The following RIPK1 variants were observed in gnomAD, a reference collection of about 807,000 sequenced individuals.
RIPK1 encodes receptor interacting serine/threonine kinase 1, also known as receptor-interacting serine/threonine-protein kinase 1.
In RIPK1, 27 loss-of-function variants were observed where a neutral mutation model predicts 62.4. The ratio of observed to expected loss-of-function variants is 0.43; its 90% CI spans 0.32 to 0.60. RIPK1 has a LOEUF of 0.60. Among genes scored for constraint, RIPK1 ranks in the 20% least tolerant of loss-of-function variants. The pLI is 0.07. For missense variants in RIPK1, 735 were observed against 831.0 expected (o/e 0.88, Z 1.42); for synonymous variants, 287 against 303.2 (o/e 0.95, Z 0.55).
chr6:3,113,000 G>C, intron 10 of RIPK1, 53 bp from the exon 11 acceptor site: 1 of 1,443,098 alleles, frequency 6.9e-7, no homozygotes, highest in Non-Finnish European at 9.3e-7. Flanking sequence ...CAGGAAGCTG[G>C]AATGTTTGAA....
chr6:3,087,183 G>A (rs551133941), intron 6 of RIPK1, among the ~76,000 whole-genome samples: 1 of 152,114 alleles, frequency 6.6e-6, no homozygotes, highest in South Asian at 2.1e-4. Context: ...AGATTTAGTT[G>A]TTATTTATCT....
intron 7 of RIPK1, among the ~76,000 whole-genome samples, chr6:3,096,128 G>A (rs963813684): frequency 3.3e-5 from 5 of 152,148 alleles, no homozygotes; most frequent in African/African-American, 4.8e-5. Flanking sequence ...ATGAGCCACT[G>A]TGTCCAGCCC....
rs1758770954 is a variant in RIPK1 at position 3,072,406 on chromosome 6, A to ATATAT, written c.-61+3745_-61+3746insTATAT. 1.4e-5 allele frequency among the ~76,000 whole-genome samples: 2 copies of ATATAT among 144,374 alleles called. No individual in the cohort carries two copies. The highest frequency in any genetic ancestry group is 4.4e-4 in the South Asian group (2 of 4,570). The allele number at this position is 144,374 out of a possible 152,430, so 94.7% of individuals were successfully genotyped here. ...ATCTATTTACATATATATATATATAAAACACACACAAATGTGAATATAATT... is the reference window on the plus strand; with the variant it reads ...ATCTATTTACATATATATATATATAATATATAACACACACAAATGTGAATATAATT... On this transcript the variant is annotated intron_variant, in intron 1 of 10. Transcript: ENST00000259808. This position sits in a 1 kb window ranked among gnomAD's most constrained non-coding sequence, Gnocchi z 5.6.
chr6:3,090,567 A>G (rs1275687033), intron 7 of RIPK1, among the ~76,000 whole-genome samples: 1 of 148,628 alleles, frequency 6.7e-6, no homozygotes, highest in Non-Finnish European at 1.5e-5. Flanking sequence ...CCTCAAAATC[A>G]ACCAGCCAAA....
At chr6:3,109,447 G>T (rs1407889343) in intron 9 of RIPK1, among the ~76,000 whole-genome samples, 1 of 152,058 alleles carries the variant, frequency 6.6e-6, no homozygotes, top group Admixed American at 6.6e-5. Context: ...GAGACAAGAG[G>T]GTAGGGCAGA....
rs761849349 is a variant in RIPK1 at position 3,104,219 on chromosome 6, T to C, written c.916-6T>C. The C allele has an allele frequency of 1.4e-6, 2 of 1,427,698 alleles. No individual in the cohort carries two copies. The highest frequency in any genetic ancestry group is 2.0e-6 in the Non-Finnish European group (2 of 1,015,520). 88.4% of individuals were successfully genotyped at this position (1,427,698 alleles called of 1,614,324 possible). A position where few individuals can be genotyped will look rare whatever the true frequency, so the allele number is the denominator to read the frequency against. On this transcript the variant is annotated splice_polypyrimidine_tract_variant and splice_region_variant and intron_variant, in intron 7 of 10. Transcript: ENST00000259808. ...CTAAAGTGTGTATTTATGCTCTTAATTATAGAAAGAGTATTCAAACGAAAA... is the reference window on the plus strand; with the variant it reads ...CTAAAGTGTGTATTTATGCTCTTAACTATAGAAAGAGTATTCAAACGAAAA...
intron 7 of RIPK1, among the ~76,000 whole-genome samples, chr6:3,090,133 T>C (rs139641724): frequency 2.4e-4 from 36 of 152,306 alleles, no homozygotes; most frequent in Non-Finnish European, 4.4e-4. Context: ...TCATTTATGC[T>C]ATTTAGGAAA....
chr6:3,113,502 A>C lies in RIPK1; in HGVS notation c.*163A>C. 1 of 640,338 alleles carries C rather than the reference A, an allele frequency of 1.6e-6. No individual in the cohort carries two copies. The highest frequency in any genetic ancestry group is 2.8e-5 in the East Asian group (1 of 35,858). 39.7% of individuals were successfully genotyped at this position (640,338 alleles called of 1,614,324 possible). A position where few individuals can be genotyped will look rare whatever the true frequency, so the allele number is the denominator to read the frequency against. On this transcript the variant is annotated 3_prime_UTR_variant, in exon 11 of 11. Coordinates refer to ENST00000259808, the MANE Select transcript of RIPK1 (RefSeq NM_001354930.2). This position sits in a 1 kb window ranked among gnomAD's most constrained non-coding sequence, Gnocchi z 5.0. Reference sequence around the variant, plus strand: ...TCATAGCTGGAGAATGGGGAAAGAAATCTGCAGCAAAGGGGTCTCACTCTG... The same window carrying C: ...TCATAGCTGGAGAATGGGGAAAGAACTCTGCAGCAAAGGGGTCTCACTCTG...
intron 1 of RIPK1, among the ~76,000 whole-genome samples, chr6:3,069,928 T>A (rs1270143690): frequency 6.6e-6 from 1 of 152,122 alleles, no homozygotes; most frequent in Non-Finnish European, 1.5e-5. Flanking sequence ...GGAGAATGGC[T>A]TGAACCCAGG....
rs1200187015 is a variant in RIPK1 at position 3,110,270 on chromosome 6, G to A, written c.1577-533G>A. On this transcript the variant is annotated intron_variant, in intron 9 of 10. Transcript: ENST00000259808. The stretch of plus-strand genomic sequence containing the variant: ...TCACCAGGCTGGAGTGCAGTGGCAC[G>A]ATCTTGGCTCACTCTGCAAGCTCCG... 2.8e-5 allele frequency among the ~76,000 whole-genome samples: 4 copies of A among 144,058 alleles called. No homozygotes were observed. The East Asian group carries it at 8.3e-4, about 30-fold the overall frequency. The allele number at this position is 144,058 out of a possible 152,430, so 94.5% of individuals were successfully genotyped here. A position where few individuals can be genotyped will look rare whatever the true frequency, so the allele number is the denominator to read the frequency against.
chr6:3,097,958 G>A (rs1760399516), intron 7 of RIPK1, among the ~76,000 whole-genome samples: 2 of 152,196 alleles, frequency 1.3e-5, no homozygotes, highest in Admixed American at 1.3e-4. Context: ...CACTTTGGGA[G>A]GCTGAGGTGG....
At position 3,105,287 on chromosome 6, in the gene RIPK1, T is replaced by C. The variant is rs1436191419; in HGVS notation, c.1007-195T>C. On this transcript the variant is annotated intron_variant, in intron 8 of 10. Transcript: ENST00000259808. This position sits in a 1 kb window ranked among gnomAD's most constrained non-coding sequence, Gnocchi z 4.5. The stretch of plus-strand genomic sequence containing the variant: ...TTGCTATAATTTTCCTAGTACTCTC[T>C]TACTGCCAGCGAGGAGCTCCTATTA... 6.6e-6 allele frequency among the ~76,000 whole-genome samples: 1 copy of C among 152,194 alleles called. No individual in the cohort carries two copies. Among genetic ancestry groups the C allele is most frequent in the Non-Finnish European group, 1.5e-5 (1 of 68,022 alleles).
intron 9 of RIPK1, among the ~76,000 whole-genome samples, chr6:3,107,437 C>T (rs1343914825): frequency 1.4e-5 from 2 of 147,290 alleles, no homozygotes; most frequent in African/African-American, 5.0e-5. Context: ...TAGTGGCGTG[C>T]GCCTGTAATC....
chr6:3,111,193 T>C (rs1041377503), intron 10 of RIPK1, among the ~76,000 whole-genome samples: 20 of 152,356 alleles, frequency 1.3e-4, no homozygotes, highest in African/African-American at 4.6e-4. Flanking sequence ...TGAGTTGATA[T>C]GTATAAAAAG....
At chr6:3,073,318 T>TC (rs369885437) in intron 1 of RIPK1, among the ~76,000 whole-genome samples, 429 of 150,926 alleles carry the variant, frequency 2.8e-3, no homozygotes, top group African/African-American at 0.01. Flanking sequence ...GAACGTATAC[T>TC]TTTTTTTTCT....
intron 4 of RIPK1, among the ~76,000 whole-genome samples, chr6:3,082,808 A>G (rs1247794290): frequency 6.6e-6 from 1 of 152,238 alleles, no homozygotes; most frequent in Non-Finnish European, 1.5e-5. Context: ...TTCTTGTCAG[A>G]AACATCTTCC....
intron 7 of RIPK1, among the ~76,000 whole-genome samples, chr6:3,101,865 G>T (rs761970924): frequency 3.3e-5 from 5 of 152,092 alleles, no homozygotes; most frequent in Non-Finnish European, 7.3e-5. Flanking sequence ...TCATAATGTT[G>T]TGCGGCCATT....
chr6:3,080,852 G>A, intron 3 of RIPK1, 127 bp from the exon 4 acceptor site: 1 of 758,946 alleles, frequency 1.3e-6, no homozygotes, highest in South Asian at 1.8e-5. Flanking sequence ...GTACTGTGGT[G>A]CACCTGCTGG....
Position 3,076,962 on chromosome 6 carries a change from G to A in RIPK1, c.139G>A (p.Val47Met). 3.1e-6 allele frequency: 5 copies of A among 1,609,702 alleles called. No homozygotes were observed. Among genetic ancestry groups the A allele is most frequent in the Non-Finnish European group, 4.2e-6 (5 of 1,178,100 alleles). The change falls in exon 2 of 11, where the codon GTG (valine) becomes ATG (methionine). Residue 47 changes from valine (V) to methionine (M), a missense_variant. This residue lies in a region of RIPK1 where 671 missense variants were observed against 726.2 expected (regional missense o/e 0.92). Transcript: ENST00000259808. The part of the protein sequence containing the change: ...RTQGLMIMKT[V>M]YKGPNCIEHN... ...CCAGGGACTCATGATCATGAAAACAGTGTACAAGGGGCCCAACTGCATTGA... is the reference window on the plus strand; with the variant it reads ...CCAGGGACTCATGATCATGAAAACAATGTACAAGGGGCCCAACTGCATTGA...
Sources: allele counts gnomAD v4.1 joint callset (sites outside exome capture counted in the v4.1 genomes callset), GRCh38; gene constraint gnomAD v4.1.1; regional missense constraint gnomAD v4.1.1; non-coding constraint Gnocchi (gnomAD v3.1); transcripts MANE v1.5; gene names NCBI Gene and HGNC (gene_info 2026-07-23, HGNC 2026-07-21).